The following MATR3 variants were observed in gnomAD, a reference collection of about 807,000 sequenced individuals.
MATR3 encodes matrin-3.
In MATR3, 4 loss-of-function variants were observed where a neutral mutation model predicts 85.5. The observed-to-expected ratio is 0.05, with a 90% CI of 0.02 to 0.11. MATR3 has a LOEUF of 0.11. MATR3 is among the 10% of genes least tolerant of loss of function. The probability of loss-of-function intolerance (pLI) is 1.00; values close to 1 mark genes in which losing one functional copy is unlikely to be tolerated. For synonymous variants in MATR3, 336 were observed against 343.1 expected (o/e 0.98, Z 0.23); for missense variants, 685 against 1,016.1 (o/e 0.67, Z 4.43).
chr5:139,329,219 G>A, intron 14 of MATR3, 126 bp from the exon 15 acceptor site: 1 of 714,268 alleles, frequency 1.4e-6, no homozygotes, highest in Non-Finnish European at 2.5e-6. Context: ...ACTAATTGTT[G>A]AAAATATTGA....
rs959202217 is a variant in MATR3 at position 139,331,150 on chromosome 5, A to C, written c.*1755A>C. 14 of 454,010 alleles carry C rather than the reference A, an allele frequency of 3.1e-5. No homozygotes were observed. Among genetic ancestry groups the C allele is most frequent in the Non-Finnish European group, 6.2e-5 (14 of 226,796 alleles). 28.1% of individuals were successfully genotyped at this position (454,010 alleles called of 1,614,324 possible). The stretch of plus-strand genomic sequence containing the variant: ...AAAACAGGATAGGCATTGTCTTTCA[A>C]ATGTTCAGACCCCAGTTTATTAAAG... On this transcript the variant is annotated 3_prime_UTR_variant, in exon 15 of 15. Transcript: ENST00000394805.
chr5:139,318,024 A>G lies in MATR3; in HGVS notation c.1308+303A>G, dbSNP rs372368664. Among the ~76,000 whole-genome samples, 51 of 152,338 alleles carry G rather than the reference A, an allele frequency of 3.3e-4. 1 individual carries two copies. The South Asian group carries it at 9.1e-3, about 27-fold the overall frequency. ...ACCAAAATGATGGTTTCAAGTCATT[A>G]TTTTTAGTCCAATTGGCATAGTAAA... On this transcript the variant is annotated intron_variant, in intron 7 of 14. Transcript: ENST00000394805.
At chr5:139,321,741 C>G in intron 9 of MATR3, 157 bp from the exon 10 acceptor site, 1 of 728,168 alleles carries the variant, frequency 1.4e-6, no homozygotes, top group Non-Finnish European at 2.2e-6. Context: ...CAGGATTGCG[C>G]CACTGCATTC....
Position 139,330,704 on chromosome 5 carries a change from A to G in MATR3, c.*1309A>G, listed in dbSNP as rs1191634856. On this transcript the variant is annotated 3_prime_UTR_variant, in exon 15 of 15. Coordinates refer to ENST00000394805, the MANE Select transcript of MATR3 (RefSeq NM_018834.6). Reference sequence around the variant, plus strand: ...GAGATATTGATGACTTAACAGTACAATTGGAAGTAATACGGATGAGCAAGA... The same window carrying G: ...GAGATATTGATGACTTAACAGTACAGTTGGAAGTAATACGGATGAGCAAGA... 4.4e-6 allele frequency: 2 copies of G among 454,024 alleles called. No homozygotes were observed. The highest frequency in any genetic ancestry group is 4.0e-5 in the African/African-American group (2 of 50,032). The allele number at this position is 454,024 out of a possible 1,614,324, so 28.1% of individuals were successfully genotyped here. A position where few individuals can be genotyped will look rare whatever the true frequency, so the allele number is the denominator to read the frequency against.
At chr5:139,302,770 C>T (rs1252162896) in intron 1 of MATR3, among the ~76,000 whole-genome samples, 1 of 152,150 alleles carries the variant, frequency 6.6e-6, no homozygotes, top group Admixed American at 6.5e-5. Context: ...TTGTTGATTG[C>T]TACCTAAAAC....
At chr5:139,285,451 G>T (rs1447148109) in intron 3 of MATR3, 2 of 152,176 alleles carry the variant, frequency 1.3e-5, no homozygotes, top group African/African-American at 2.4e-5. Flanking sequence ...TGCTTGCCCT[G>T]TTGTGTCTTG....
chr5:139,323,938 A>G (rs1360948568), intron 12 of MATR3, among the ~76,000 whole-genome samples: 3 of 152,044 alleles, frequency 2.0e-5, no homozygotes, highest in Non-Finnish European at 4.4e-5. Flanking sequence ...ATCCTATTCC[A>G]TATTCCATTG....
At chr5:139,293,620 C>G (rs1753961953), upstream of MATR3, 1 of 195,554 alleles carries the variant, frequency 5.1e-6, no homozygotes, top group Non-Finnish European at 1.0e-5. Flanking sequence ...GGGGAGGGGC[C>G]TGGCGCGCGC....
intron 2 of MATR3, among the ~76,000 whole-genome samples, chr5:139,276,895 C>A (rs1218784572): frequency 6.6e-6 from 1 of 152,116 alleles, no homozygotes; most frequent in Non-Finnish European, 1.5e-5. Flanking sequence ...CATTCTCTAG[C>A]TGTTTAATAA....
At position 139,330,630 on chromosome 5, in the gene MATR3, C is replaced by T; in HGVS notation, c.*1235C>T. The T allele has an allele frequency of 2.2e-6, 1 of 454,000 alleles. No homozygotes were observed. Among genetic ancestry groups the T allele is most frequent in the Non-Finnish European group, 4.4e-6 (1 of 226,770 alleles). 28.1% of individuals were successfully genotyped at this position (454,000 alleles called of 1,614,324 possible). A position where few individuals can be genotyped will look rare whatever the true frequency, so the allele number is the denominator to read the frequency against. ...TGAGGCCATTTGTGGTTTTTAAAAA[C>T]CTTATGAATTAAAAATGCTACAGGT... On this transcript the variant is annotated 3_prime_UTR_variant, in exon 15 of 15. Coordinates refer to ENST00000394805, the MANE Select transcript of MATR3 (RefSeq NM_018834.6).
intron 3 of MATR3, among the ~76,000 whole-genome samples, chr5:139,284,641 C>T (rs942333243): frequency 1.3e-5 from 2 of 151,940 alleles, no homozygotes; most frequent in African/African-American, 4.8e-5. Context: ...TTTGCAGAGA[C>T]TTGCTATTTA....
At chr5:139,323,654 T>C (rs74863129) in intron 12 of MATR3, among the ~76,000 whole-genome samples, 7,980 of 152,228 alleles carry the variant, frequency 0.052, 313 homozygotes, top group Non-Finnish European at 0.077. Context: ...ACGCCTGTAA[T>C]CCCAGCACTT....
Position 139,322,885 on chromosome 5 carries a change from C to A in MATR3, c.2066C>A (p.Ser689Tyr), listed in dbSNP as rs765251685. 6.8e-6 allele frequency: 11 copies of A among 1,613,792 alleles called. No homozygotes were observed. The highest frequency in any genetic ancestry group is 9.3e-6 in the Non-Finnish European group (11 of 1,179,960). The change falls in exon 12 of 15, where the codon TCT (serine) becomes TAT (tyrosine). Residue 689 changes from serine to tyrosine, a missense_variant. Ser to Tyr is a moderately radical substitution (Grantham distance 144). This residue lies in a region of MATR3 where 215 missense variants were observed against 194.7 expected (regional missense o/e 1.10). Transcript: ENST00000394805. Reference protein sequence around the residue: ...TDLANLGDVASDGKKEPSDKA... With the variant: ...TDLANLGDVAYDGKKEPSDKA... The stretch of plus-strand genomic sequence containing the variant: ...CTTGCTAATTTAGGTGATGTGGCTT[C>A]TGATGGGAAAAAGGAACCATCAGAT...
chr5:139,296,061 A>G (rs529698354), intron 1 of MATR3, among the ~76,000 whole-genome samples: 2 of 152,268 alleles, frequency 1.3e-5, no homozygotes, highest in African/African-American at 4.8e-5. Flanking sequence ...CGGAGCTCTT[A>G]GATGTTGATT....
chr5:139,305,741 A>G (rs1342274144), intron 1 of MATR3, among the ~76,000 whole-genome samples: 1 of 152,082 alleles, frequency 6.6e-6, no homozygotes, highest in Non-Finnish European at 1.5e-5. Context: ...GTATTTTCTC[A>G]AATTCATCTT....
At chr5:139,297,312 C>T (rs1260487443) in intron 1 of MATR3, among the ~76,000 whole-genome samples, 2 of 152,186 alleles carry the variant, frequency 1.3e-5, no homozygotes, top group Non-Finnish European at 1.5e-5. Context: ...TATTCTAAGG[C>T]ACAACGCTGT....
intron 12 of MATR3, 136 bp from the exon 13 acceptor site, chr5:139,325,304 T>C: frequency 6.4e-7 from 1 of 1,558,626 alleles, no homozygotes; most frequent in Non-Finnish European, 8.7e-7. Context: ...AGCGTCGTTT[T>C]CCAGGGAGTA....
At chr5:139,305,580 G>A (rs1049648988) in intron 1 of MATR3, among the ~76,000 whole-genome samples, 21 of 152,094 alleles carry the variant, frequency 1.4e-4, no homozygotes, top group African/African-American at 5.1e-4. Flanking sequence ...CATTTACATA[G>A]CATCTCAGCC....
Position 139,315,682 on chromosome 5 carries a change from C to G in MATR3, c.975-15C>G. The G allele has an allele frequency of 1.3e-6, 2 of 1,593,786 alleles. No individual in the cohort carries two copies. Among genetic ancestry groups the G allele is most frequent in the Non-Finnish European group, 1.7e-6 (2 of 1,161,918 alleles). On this transcript the variant is annotated splice_polypyrimidine_tract_variant and intron_variant, in intron 3 of 14. Transcript: ENST00000394805. ...ACAGTTTTATTTTAAAGTTAATTTTCTGGTCTTTTTAAAGCTACCCAGAAT... is the reference window on the plus strand; with the variant it reads ...ACAGTTTTATTTTAAAGTTAATTTTGTGGTCTTTTTAAAGCTACCCAGAAT...
Sources: allele counts gnomAD v4.1 joint callset (sites outside exome capture counted in the v4.1 genomes callset), GRCh38; gene constraint gnomAD v4.1.1; regional missense constraint gnomAD v4.1.1; transcripts MANE v1.5; gene names NCBI Gene and HGNC (gene_info 2026-07-23, HGNC 2026-07-21).